ZBED4: variants seen among roughly 807,000 people sequenced by gnomAD.
The protein encoded by ZBED4 is zinc finger BED domain-containing protein 4.
ZBED4 carries 4 observed loss-of-function variants against 15.5 expected under a neutral mutation model. The ratio of observed to expected loss-of-function variants is 0.26; its 90% CI spans 0.13 to 0.59. ZBED4 has a LOEUF of 0.59. Ranked by LOEUF, ZBED4 falls within the 20% of genes least tolerant of loss-of-function variation. The pLI, the probability that ZBED4 is intolerant of heterozygous loss-of-function variation, is 0.90. For missense variants in ZBED4, 1,323 were observed against 1,461.8 expected (o/e 0.91, Z 1.55); for synonymous variants, 692 against 608.5 (o/e 1.14, Z -2.02).
intron 1 of ZBED4, among the ~76,000 whole-genome samples, chr22:49,855,581 G>GGTGTGT (rs143552178): frequency 1.3e-5 from 2 of 151,590 alleles, no homozygotes; most frequent in African/African-American, 2.4e-5. Flanking sequence ...TTTAGCGAAA[G>GGTGTGT]GTGTGTGTGT....
At chr22:49,854,720 C>G (rs9628152) in intron 1 of ZBED4, among the ~76,000 whole-genome samples, 1 of 152,102 alleles carries the variant, frequency 6.6e-6, no homozygotes, top group Non-Finnish European at 1.5e-5. Flanking sequence ...CCGGGTGGCC[C>G]TGGTAGACCC....
intron 1 of ZBED4, among the ~76,000 whole-genome samples, chr22:49,860,548 G>A: frequency 6.6e-6 from 1 of 151,962 alleles, no homozygotes; most frequent in African/African-American, 2.4e-5. Context: ...ATAAAGTGCT[G>A]TATTTTAAAG....
intron 1 of ZBED4, among the ~76,000 whole-genome samples, chr22:49,855,985 T>C (rs2147494823): frequency 6.6e-6 from 1 of 152,394 alleles, no homozygotes; most frequent in Admixed American, 6.5e-5. Flanking sequence ...TCTCTTTTAG[T>C]GTCTGTGGAT....
At chr22:49,879,607 A>G (rs1032652380) in intron 1 of ZBED4, among the ~76,000 whole-genome samples, 9 of 138,356 alleles carry the variant, frequency 6.5e-5, no homozygotes, top group African/African-American at 2.3e-4. Flanking sequence ...GCGTGTTTCT[A>G]TTGGTTGGTT....
chr22:49,868,841 A>G (rs752850806), intron 1 of ZBED4, among the ~76,000 whole-genome samples: 3 of 151,744 alleles, frequency 2.0e-5, no homozygotes, highest in Non-Finnish European at 4.4e-5. Context: ...GCCGGGCGCA[A>G]TGGCTCACAC....
At chr22:49,862,661 C>T (rs5770725) in intron 1 of ZBED4, among the ~76,000 whole-genome samples, 109,963 of 146,306 alleles carry the variant, frequency 0.75, 43,496 homozygotes, top group East Asian at 0.91. Flanking sequence ...TTTGACTGAA[C>T]TGAGTACCTC....
At chr22:49,870,059 A>C (rs1295051460) in intron 1 of ZBED4, among the ~76,000 whole-genome samples, 1 of 152,166 alleles carries the variant, frequency 6.6e-6, no homozygotes, top group African/African-American at 2.4e-5. Context: ...TCCCACTGAT[A>C]GGTGAGAACA....
chr22:49,882,629 T>C (rs958579029), intron 1 of ZBED4, among the ~76,000 whole-genome samples: 1 of 152,206 alleles, frequency 6.6e-6, no homozygotes, highest in Non-Finnish European at 1.5e-5. Context: ...TGCCCTGCTC[T>C]CTCCTGTCTT....
intron 1 of ZBED4, among the ~76,000 whole-genome samples, chr22:49,881,280 C>T (rs1011596159): frequency 4.6e-5 from 7 of 152,246 alleles, no homozygotes; most frequent in African/African-American, 2.4e-5. Context: ...ACCCAGGAAG[C>T]GGAGGTTGCG....
chr22:49,853,831 C>T (rs1013895387), upstream of ZBED4: 7 of 145,296 alleles, frequency 4.8e-5, no homozygotes, highest in African/African-American at 1.7e-4. Flanking sequence ...CCGCGCGGGG[C>T]CCTGGGAGGG....
At position 49,887,360 on chromosome 22, in the gene ZBED4, C is replaced by A. The variant is rs191942549; in HGVS notation, c.*182C>A. 1.9e-6 allele frequency: 1 copy of A among 535,906 alleles called. No individual in the cohort carries two copies. The highest frequency in any genetic ancestry group is 1.9e-5 in the African/African-American group (1 of 53,278). The allele number at this position is 535,906 out of a possible 1,614,324, so 33.2% of individuals were successfully genotyped here. A position where few individuals can be genotyped will look rare whatever the true frequency, so the allele number is the denominator to read the frequency against. ...ACCCCTTCTCCTTCAGGCCAAGTTTCGCGGGGTGTTTTATTAAGACGTCCA... is the reference window on the plus strand; with the variant it reads ...ACCCCTTCTCCTTCAGGCCAAGTTTAGCGGGGTGTTTTATTAAGACGTCCA... On this transcript the variant is annotated 3_prime_UTR_variant, in exon 2 of 2. Transcript: ENST00000216268.
chr22:49,861,514 G>A (rs937610501), intron 1 of ZBED4, among the ~76,000 whole-genome samples: 1 of 152,004 alleles, frequency 6.6e-6, no homozygotes, highest in Non-Finnish European at 1.5e-5. Context: ...GCTTACCGCA[G>A]CCTCGACCTC....
At position 49,883,743 on chromosome 22, in the gene ZBED4, A is replaced by G; in HGVS notation, c.81A>G (p.Glu27=). The G allele has an allele frequency of 2.5e-6, 4 of 1,612,500 alleles. No homozygotes were observed. The highest frequency in any genetic ancestry group is 2.2e-5 in the East Asian group (1 of 44,828). The change falls in exon 2 of 2, where the codon GAA becomes GAG. Residue 27 remains glutamate (E), a synonymous_variant. Transcript: ENST00000216268. ...AAATAAAGTTTAAAATAGAAGAGGA[A>G]GATGATGATGGAATTCCTCCTGATA... ...SDKIKFKIEE[E]DDDGIPPDSL...
chr22:49,858,108 G>T (rs1039075797), intron 1 of ZBED4, among the ~76,000 whole-genome samples: 2 of 151,874 alleles, frequency 1.3e-5, no homozygotes, highest in Admixed American at 1.3e-4. Context: ...CACCATGTTG[G>T]CCAGGCTGGT....
chr22:49,853,105 G>A (rs373271769), upstream of ZBED4: 2 of 152,336 alleles, frequency 1.3e-5, no homozygotes, highest in African/African-American at 4.8e-5. Flanking sequence ...CACCAACGGG[G>A]GACCTCGGGG....
At chr22:49,879,361 G>T (rs1028361034) in intron 1 of ZBED4, among the ~76,000 whole-genome samples, 6 of 151,588 alleles carry the variant, frequency 4.0e-5, no homozygotes, top group Non-Finnish European at 7.4e-5. Flanking sequence ...TCCTGAGCTC[G>T]GTTGATCCGT....
Position 49,883,767 on chromosome 22 carries a change from T to C in ZBED4, c.105T>C (p.Asp35=). The C allele has an allele frequency of 2.5e-6, 4 of 1,613,088 alleles. No individual in the cohort carries two copies. The highest frequency in any genetic ancestry group is 1.7e-5 in the Admixed American group (1 of 59,976). ...EEEDDDGIPP[D]SLERMDFKSE... is the part of the protein sequence containing the mutation. Reference sequence around the variant, plus strand: ...AAGATGATGATGGAATTCCTCCTGATAGTTTGGAAAGAATGGACTTTAAAA... The same window carrying C: ...AAGATGATGATGGAATTCCTCCTGACAGTTTGGAAAGAATGGACTTTAAAA... Residue 35 remains aspartate, a synonymous_variant, in exon 2 of 2, where the codon GAT becomes GAC. Coordinates refer to ENST00000216268, the MANE Select transcript of ZBED4 (RefSeq NM_014838.3).
At chr22:49,856,405 A>G (rs2060274608) in intron 1 of ZBED4, among the ~76,000 whole-genome samples, 1 of 152,226 alleles carries the variant, frequency 6.6e-6, no homozygotes, top group Admixed American at 6.5e-5. Context: ...TTTCTCAGGA[A>G]AGCATGCTCC....
At chr22:49,862,719 T>TTA (rs1376315148) in intron 1 of ZBED4, among the ~76,000 whole-genome samples, 3 of 105,056 alleles carry the variant, frequency 2.9e-5, no homozygotes, top group African/African-American at 8.4e-5. Flanking sequence ...TTTTTTTTTT[T>TTA]AGACTTAAGT....
Sources: gnomAD v4.1 joint callset for allele counts (sites outside exome capture counted in the v4.1 genomes callset) on GRCh38, gnomAD v4.1.1 for gene constraint, MANE v1.5 for transcripts, NCBI Gene and HGNC (gene_info 2026-07-23, HGNC 2026-07-21) for gene names.